Variants in TAFA5 observed in about 807,000 individuals in gnomAD.
The protein encoded by TAFA5 is chemokine-like protein TAFA-5.
In TAFA5, 6 loss-of-function variants were observed where a neutral mutation model predicts 15.3. That is an observed-to-expected ratio of 0.39 (90% CI 0.21 to 0.77). The LOEUF (loss-of-function observed/expected upper bound fraction) is 0.77, where lower values mean the gene tolerates loss of function less well. Ranked by LOEUF, TAFA5 falls within the 30% of genes least tolerant of loss-of-function variation. TAFA5 has a pLI of 0.41. For missense variants in TAFA5, 161 were observed against 193.1 expected (o/e 0.83, Z 0.98); for synonymous variants, 103 against 80.7 (o/e 1.28, Z -1.48).
intron 2 of TAFA5, among the ~76,000 whole-genome samples, chr22:48,658,304 C>T (rs573727361): frequency 8.5e-5 from 13 of 152,294 alleles, no homozygotes; most frequent in South Asian, 2.1e-4. Flanking sequence ...CTGGGGATTC[C>T]GGGGCTCTTC....
intron 2 of TAFA5, among the ~76,000 whole-genome samples, chr22:48,659,845 C>A (rs911874781): frequency 6.6e-5 from 10 of 152,198 alleles, no homozygotes; most frequent in African/African-American, 2.4e-4. Flanking sequence ...AACATACAGT[C>A]CCCATGCTGT....
At chr22:48,683,560 G>A (rs927434398) in intron 2 of TAFA5, among the ~76,000 whole-genome samples, 9 of 152,216 alleles carry the variant, frequency 5.9e-5, no homozygotes, top group African/African-American at 1.9e-4. Context: ...GCCACAGACC[G>A]TGCACTCGCT....
At chr22:48,494,758 C>T (rs1220125030) in intron 1 of TAFA5, among the ~76,000 whole-genome samples, 1 of 152,220 alleles carries the variant, frequency 6.6e-6, no homozygotes, top group Non-Finnish European at 1.5e-5. Flanking sequence ...TGCTAAGACT[C>T]ACGGCAGCAG....
At chr22:48,540,392 T>A (rs1569018007) in intron 1 of TAFA5, among the ~76,000 whole-genome samples, 1 of 152,026 alleles carries the variant, frequency 6.6e-6, no homozygotes, top group Non-Finnish European at 1.5e-5. Flanking sequence ...AGAATCCCTC[T>A]CCGAGGCCAC....
chr22:48,655,913 C>T (rs1464041451), intron 2 of TAFA5, among the ~76,000 whole-genome samples: 2 of 143,350 alleles, frequency 1.4e-5, no homozygotes, highest in East Asian at 4.6e-4. Flanking sequence ...GATCTCAGCT[C>T]ACTGCAACCT....
intron 2 of TAFA5, among the ~76,000 whole-genome samples, chr22:48,696,975 C>T (rs1244642842): frequency 2.0e-5 from 3 of 152,176 alleles, no homozygotes; most frequent in South Asian, 4.1e-4. Context: ...ATGCTAGCTC[C>T]CCTGCTGCTT....
At chr22:48,731,107 G>A (rs945662117) in intron 3 of TAFA5, among the ~76,000 whole-genome samples, 10 of 152,162 alleles carry the variant, frequency 6.6e-5, no homozygotes, top group African/African-American at 2.2e-4. Context: ...AAGTTTTAAT[G>A]GTCTGGAGAC....
intron 3 of TAFA5, among the ~76,000 whole-genome samples, chr22:48,749,086 C>T (rs866036754): frequency 1.3e-5 from 2 of 152,130 alleles, no homozygotes; most frequent in African/African-American, 2.4e-5. Flanking sequence ...GGGTCTGTGT[C>T]GACATGGGGA....
intron 1 of TAFA5, among the ~76,000 whole-genome samples, chr22:48,570,845 G>C (rs897590438): frequency 6.6e-6 from 1 of 152,196 alleles, no homozygotes; most frequent in East Asian, 1.9e-4. Flanking sequence ...TTTCTGACTA[G>C]AACTATGGAG....
At chr22:48,706,307 G>A (rs1040083885) in intron 2 of TAFA5, among the ~76,000 whole-genome samples, 14 of 152,142 alleles carry the variant, frequency 9.2e-5, no homozygotes, top group Non-Finnish European at 1.5e-4. Context: ...GCCTCTATTC[G>A]GAACAGTGAG....
intron 1 of TAFA5, among the ~76,000 whole-genome samples, chr22:48,644,567 G>T (rs933866156): frequency 7.2e-5 from 11 of 152,336 alleles, no homozygotes; most frequent in African/African-American, 2.6e-4. Context: ...GTTGGGTGTT[G>T]GGATGAGAGA....
chr22:48,557,712 G>A (rs922413786), intron 1 of TAFA5, among the ~76,000 whole-genome samples: 1 of 152,320 alleles, frequency 6.6e-6, no homozygotes, highest in South Asian at 2.1e-4. Flanking sequence ...CCAGACTCTC[G>A]GCAGAGGTCC....
chr22:48,492,234 C>A (rs569086518), intron 1 of TAFA5, among the ~76,000 whole-genome samples: 6 of 151,328 alleles, frequency 4.0e-5, no homozygotes, highest in Non-Finnish European at 7.4e-5. Flanking sequence ...AAGAATAGTT[C>A]GTATTCTCGT....
chr22:48,628,916 C>T (rs1243702422), intron 1 of TAFA5, among the ~76,000 whole-genome samples: 1 of 152,142 alleles, frequency 6.6e-6, no homozygotes, highest in Non-Finnish European at 1.5e-5. Context: ...TGGGTGGGGG[C>T]TGGGAGCTCA....
chr22:48,548,290 G>A (rs925914611), intron 1 of TAFA5, among the ~76,000 whole-genome samples: 5 of 152,328 alleles, frequency 3.3e-5, no homozygotes, highest in East Asian at 1.9e-4. Context: ...CTGCAGTCCC[G>A]AAGCTGCCCG....
chr22:48,664,660 G>C (rs1927553086), intron 2 of TAFA5, among the ~76,000 whole-genome samples: 1 of 152,082 alleles, frequency 6.6e-6, no homozygotes, highest in South Asian at 2.1e-4. Flanking sequence ...GTCACTGCAG[G>C]TTTGCCTGTT....
chr22:48,571,608 C>CTTTTTTTTTTTTT (rs1601586303), intron 1 of TAFA5, among the ~76,000 whole-genome samples: 3 of 33,536 alleles, frequency 8.9e-5, no homozygotes, highest in Non-Finnish European at 1.1e-4. Context: ...TTTTTTTTTG[C>CTTTTTTTTTTTTT]TTTAAAAAAA....
At chr22:48,666,199 C>T (rs1927603584) in intron 2 of TAFA5, among the ~76,000 whole-genome samples, 1 of 152,142 alleles carries the variant, frequency 6.6e-6, no homozygotes, top group African/African-American at 2.4e-5. Context: ...AATATGATCG[C>T]AGCCAGGAGT....
chr22:48,596,241 C>A (rs1012419006), intron 1 of TAFA5, among the ~76,000 whole-genome samples: 2 of 152,342 alleles, frequency 1.3e-5, no homozygotes, highest in Admixed American at 6.5e-5. Context: ...GTTGAAGAGA[C>A]GCGGCCTTCT....
Sources: allele counts gnomAD v4.1 joint callset (sites outside exome capture counted in the v4.1 genomes callset), GRCh38; gene constraint gnomAD v4.1.1; transcripts MANE v1.5; gene names NCBI Gene and HGNC (gene_info 2026-07-23, HGNC 2026-07-21).